The following PKNOX2 variants were observed in gnomAD, a reference collection of about 807,000 sequenced individuals.
PKNOX2 encodes the protein homeobox protein PKNOX2.
PKNOX2 carries 14 observed loss-of-function variants against 53.1 expected under a neutral mutation model. The ratio of observed to expected loss-of-function variants is 0.26; its 90% CI spans 0.17 to 0.41. PKNOX2 has a LOEUF of 0.41. Among genes scored for constraint, PKNOX2 ranks in the 10% least tolerant of loss-of-function variants. The pLI is 1.00. For synonymous variants in PKNOX2, 257 were observed against 242.8 expected, an observed-to-expected ratio of 1.06 and a Z score of -0.54; for missense variants, 496 against 602.8, an observed-to-expected ratio of 0.82 and a Z score of 1.85.
intron 2 of PKNOX2, among the ~76,000 whole-genome samples, chr11:125,257,179 A>G (rs1319404404): frequency 6.6e-6 from 1 of 152,192 alleles, no homozygotes; most frequent in African/African-American, 2.4e-5. Context: ...CCTGTTCACA[A>G]ATGATTGTTC....
intron 2 of PKNOX2, among the ~76,000 whole-genome samples, chr11:125,251,053 A>AC (rs1010537039): frequency 5.9e-5 from 9 of 151,858 alleles, no homozygotes; most frequent in African/African-American, 2.2e-4. Context: ...GCGCCCCTCC[A>AC]CCCCCTGGCA....
At chr11:125,193,986 GC>G (rs1257961329) in intron 1 of PKNOX2, among the ~76,000 whole-genome samples, 2 of 152,210 alleles carry the variant, frequency 1.3e-5, no homozygotes, top group Non-Finnish European at 2.9e-5. Flanking sequence ...CCCTTCCTCA[GC>G]TAAGACAATA....
At chr11:125,191,429 G>A (rs577548419) in intron 1 of PKNOX2, 24 of 152,354 alleles carry the variant, frequency 1.6e-4, no homozygotes, top group African/African-American at 5.1e-4. Flanking sequence ...CCTCAGCAAC[G>A]TCCAAGAGGT....
At chr11:125,332,952 C>A (rs1186172406) in intron 3 of PKNOX2, among the ~76,000 whole-genome samples, 1 of 151,976 alleles carries the variant, frequency 6.6e-6, no homozygotes, top group East Asian at 1.9e-4. Flanking sequence ...GTTCTAGGTA[C>A]AATGAGGGGT....
Position 125,165,211 on chromosome 11 carries a change from G to T in PKNOX2, c.-201+435G>T, listed in dbSNP as rs1007957466. Among the ~76,000 whole-genome samples, 3 of 151,426 alleles carry T rather than the reference G, an allele frequency of 2.0e-5. No homozygotes were observed. Among genetic ancestry groups the T allele is most frequent in the Non-Finnish European group, 2.9e-5 (2 of 67,836 alleles). ...CGTGGCCGGCCGCGCATTGTCCTCGGGTGCAAGGAGCCGGGCTGCGGACTC... is the reference window on the plus strand; with the variant it reads ...CGTGGCCGGCCGCGCATTGTCCTCGTGTGCAAGGAGCCGGGCTGCGGACTC... On this transcript the variant is annotated intron_variant, in intron 1 of 12. Transcript: ENST00000298282. This position sits in a 1 kb window ranked among gnomAD's most constrained non-coding sequence, Gnocchi z 4.5.
intron 4 of PKNOX2, among the ~76,000 whole-genome samples, chr11:125,355,723 CTA>C (rs1367921374): frequency 6.6e-6 from 1 of 152,162 alleles, no homozygotes; most frequent in East Asian, 1.9e-4. Context: ...CCATTTGCTA[CTA>C]TTTCTGTCCT....
chr11:125,270,679 T>C (rs755500151), intron 2 of PKNOX2, among the ~76,000 whole-genome samples: 4 of 152,130 alleles, frequency 2.6e-5, no homozygotes, highest in Non-Finnish European at 4.4e-5. Context: ...GGAAAGCCAA[T>C]GTGGACTCCT....
intron 2 of PKNOX2, among the ~76,000 whole-genome samples, chr11:125,273,105 G>C (rs573357162): frequency 1.3e-5 from 2 of 152,354 alleles, no homozygotes; most frequent in South Asian, 4.1e-4. Context: ...GGCCCGGAGA[G>C]ACTGGCTGTG....
At chr11:125,329,428 GGTT>G (rs763174607) in intron 2 of PKNOX2, among the ~76,000 whole-genome samples, 107 of 152,164 alleles carry the variant, frequency 7.0e-4, no homozygotes, top group Non-Finnish European at 1.2e-3. Context: ...TACTTTTAAA[GGTT>G]GTTTTAAGAG....
chr11:125,232,403 T>C (rs1942287749), intron 1 of PKNOX2, among the ~76,000 whole-genome samples: 1 of 152,232 alleles, frequency 6.6e-6, no homozygotes, highest in African/African-American at 2.4e-5. Flanking sequence ...TTTCAGTATA[T>C]TAAGTCATTC....
chr11:125,276,340 G>A (rs973466798), intron 2 of PKNOX2, among the ~76,000 whole-genome samples: 1 of 152,204 alleles, frequency 6.6e-6, no homozygotes, highest in Non-Finnish European at 1.5e-5. Context: ...GTGGAAAATG[G>A]AGGAGGGACT....
At chr11:125,335,004 C>T (rs1172806630) in intron 3 of PKNOX2, among the ~76,000 whole-genome samples, 4 of 152,192 alleles carry the variant, frequency 2.6e-5, no homozygotes, top group South Asian at 4.1e-4. Flanking sequence ...CACAAGAATG[C>T]ACCTCACACA....
chr11:125,393,283 A>G (rs1314734798), intron 6 of PKNOX2, among the ~76,000 whole-genome samples: 1 of 152,172 alleles, frequency 6.6e-6, no homozygotes, highest in Non-Finnish European at 1.5e-5. Flanking sequence ...TTAAATTAAA[A>G]AGAAGTTGTG....
chr11:125,310,363 C>T (rs891515376), intron 2 of PKNOX2, among the ~76,000 whole-genome samples: 16 of 151,968 alleles, frequency 1.1e-4, no homozygotes, highest in East Asian at 1.9e-4. Context: ...GGCATGGTGG[C>T]GCATGCCTGT....
chr11:125,319,370 G>A (rs1037743891), intron 2 of PKNOX2, among the ~76,000 whole-genome samples: 10 of 152,110 alleles, frequency 6.6e-5, no homozygotes, highest in African/African-American at 1.9e-4. Context: ...TTACCAAAAC[G>A]TGACACACAG....
intron 1 of PKNOX2, among the ~76,000 whole-genome samples, chr11:125,172,158 T>C (rs1440525148): frequency 1.3e-5 from 2 of 152,158 alleles, no homozygotes; most frequent in African/African-American, 4.8e-5. Flanking sequence ...CAGCCTGGAC[T>C]AGAAGGAGGA....
intron 1 of PKNOX2, among the ~76,000 whole-genome samples, chr11:125,182,730 A>G (rs4935909): frequency 0.41 from 61,747 of 152,030 alleles, 12,627 homozygotes; most frequent in East Asian, 0.45. Context: ...CTCCAAATTC[A>G]TGGCTCCTGG....
intron 2 of PKNOX2, among the ~76,000 whole-genome samples, chr11:125,288,668 G>A (rs1262953073): frequency 6.6e-6 from 1 of 152,128 alleles, no homozygotes; most frequent in Non-Finnish European, 1.5e-5. Flanking sequence ...TCTCCCGTAG[G>A]AAGCACTGCT....
At chr11:125,218,393 C>T (rs908843824) in intron 1 of PKNOX2, among the ~76,000 whole-genome samples, 2 of 147,204 alleles carry the variant, frequency 1.4e-5, no homozygotes, top group Admixed American at 6.8e-5. Context: ...ACTCTGGGTG[C>T]TGCGTGGCAG....
Sources: allele counts gnomAD v4.1 joint callset (sites outside exome capture counted in the v4.1 genomes callset), GRCh38; gene constraint gnomAD v4.1.1; non-coding constraint Gnocchi (gnomAD v3.1); transcripts MANE v1.5; gene names NCBI Gene and HGNC (gene_info 2026-07-23, HGNC 2026-07-21).